CTNNA3: variants seen among roughly 807,000 people sequenced by gnomAD.
The protein encoded by CTNNA3 is catenin alpha-3.
A neutral mutation model predicts 95.7 loss-of-function variants in CTNNA3; 76 were observed. The observed-to-expected ratio is 0.79, with a 90% CI of 0.66 to 0.96. CTNNA3 has a LOEUF of 0.96. CTNNA3 is among the 40% of genes least tolerant of loss of function. The pLI is 0.00. For missense variants in CTNNA3, 1,191 were observed against 1,089.8 expected (o/e 1.09, Z -1.31); for synonymous variants, 431 against 374.4 (o/e 1.15, Z -1.74).
intron 7 of CTNNA3, among the ~76,000 whole-genome samples, chr10:67,172,265 A>C (rs1450311595): frequency 6.6e-6 from 1 of 152,210 alleles, no homozygotes; most frequent in African/African-American, 2.4e-5. Context: ...TACAGTTTTT[A>C]TCATGTTCCA....
chr10:67,001,453 G>C (rs573052118), intron 7 of CTNNA3, among the ~76,000 whole-genome samples: 1 of 151,860 alleles, frequency 6.6e-6, no homozygotes, highest in East Asian at 1.9e-4. Context: ...GACAGGGGTG[G>C]GGGACAGAAG....
At chr10:66,699,627 T>C (rs944528874) in intron 9 of CTNNA3, among the ~76,000 whole-genome samples, 10 of 151,996 alleles carry the variant, frequency 6.6e-5, no homozygotes, top group African/African-American at 1.2e-4. Context: ...CACATACATA[T>C]GCATATTTTA....
chr10:67,726,722 T>TATGATATA (rs1589582453), intron 1 of CTNNA3, among the ~76,000 whole-genome samples: 5 of 35,836 alleles, frequency 1.4e-4, no homozygotes, highest in East Asian at 1.3e-3. Flanking sequence ...ATATCATATA[T>TATGATATA]CATAATATAC....
At chr10:66,832,255 A>T (rs1046616799) in intron 7 of CTNNA3, among the ~76,000 whole-genome samples, 7 of 152,214 alleles carry the variant, frequency 4.6e-5, no homozygotes, top group African/African-American at 1.7e-4. Context: ...GACCCTGTAT[A>T]TATCTATAAG....
intron 5 of CTNNA3, among the ~76,000 whole-genome samples, chr10:67,336,498 AG>A (rs1269556756): frequency 6.6e-6 from 1 of 152,200 alleles, no homozygotes; most frequent in Non-Finnish European, 1.5e-5. Flanking sequence ...CTGAGGGAGA[AG>A]CTGCAGCATA....
At chr10:66,963,684 G>C (rs1029156688) in intron 7 of CTNNA3, among the ~76,000 whole-genome samples, 2 of 151,980 alleles carry the variant, frequency 1.3e-5, no homozygotes, top group Non-Finnish European at 2.9e-5. Context: ...GTCGAAAACA[G>C]GTTCCAAAAT....
chr10:67,645,193 G>GCGCA lies in CTNNA3; in HGVS notation c.99+2221_99+2222insTGCG, dbSNP rs1554869403. Among the ~76,000 whole-genome samples, 76 of 149,186 alleles carry GCGCA rather than the reference G, an allele frequency of 5.1e-4. 1 individual carries two copies. The highest frequency in any genetic ancestry group is 1.7e-3 in the African/African-American group (68 of 41,062). On this transcript the variant is annotated intron_variant, in intron 2 of 17. Transcript: ENST00000433211. Reference sequence around the variant, plus strand: ...CATGCCATAAAATGTGCACGTGCGCGCACACACACACACACACACACTGTG... The same window carrying GCGCA: ...CATGCCATAAAATGTGCACGTGCGCGCGCACACACACACACACACACACACTGTG...
chr10:65,955,201 C>A (rs540545872), intron 17 of CTNNA3, among the ~76,000 whole-genome samples: 2 of 152,040 alleles, frequency 1.3e-5, no homozygotes, highest in Non-Finnish European at 2.9e-5. Context: ...CTGTTATTGG[C>A]GTATAGGAAT....
intron 13 of CTNNA3, among the ~76,000 whole-genome samples, chr10:66,212,226 G>A (rs756585581): frequency 2.6e-5 from 4 of 151,980 alleles, no homozygotes; most frequent in Non-Finnish European, 4.4e-5. Context: ...CTGACCTTAC[G>A]TGATCCACCC....
intron 15 of CTNNA3, among the ~76,000 whole-genome samples, chr10:66,019,311 A>G (rs2069614777): frequency 6.6e-6 from 1 of 152,196 alleles, no homozygotes; most frequent in South Asian, 2.1e-4. Flanking sequence ...AGTAGTATTT[A>G]CATAGAAGAT....
intron 9 of CTNNA3, among the ~76,000 whole-genome samples, chr10:66,722,955 G>A (rs908489385): frequency 1.3e-5 from 2 of 152,082 alleles, no homozygotes; most frequent in Admixed American, 6.5e-5. Context: ...GTGAGGCCCG[G>A]TGATTCTGGC....
intron 10 of CTNNA3, among the ~76,000 whole-genome samples, chr10:66,616,217 C>G (rs759481927): frequency 3.9e-4 from 60 of 152,024 alleles, no homozygotes; most frequent in Non-Finnish European, 5.7e-4. Flanking sequence ...TTGTGCCCCC[C>G]ACAAAATACC....
At chr10:66,498,657 C>T (rs1589337263) in intron 11 of CTNNA3, among the ~76,000 whole-genome samples, 1 of 152,090 alleles carries the variant, frequency 6.6e-6, no homozygotes, top group African/African-American at 2.4e-5. Flanking sequence ...GCACGTAAAC[C>T]TTTAGCACTG....
chr10:67,378,085 C>T (rs1843764070), intron 5 of CTNNA3, among the ~76,000 whole-genome samples: 1 of 151,500 alleles, frequency 6.6e-6, no homozygotes, highest in African/African-American at 2.4e-5. Context: ...TCTCTATCAC[C>T]TTCTTCCCCC....
At chr10:66,321,419 C>T (rs2092183655) in intron 12 of CTNNA3, among the ~76,000 whole-genome samples, 1 of 151,898 alleles carries the variant, frequency 6.6e-6, no homozygotes, top group Admixed American at 6.6e-5. Context: ...GGTGGAAATC[C>T]TAAGAAGTAA....
intron 9 of CTNNA3, among the ~76,000 whole-genome samples, chr10:66,650,686 A>G (rs981417688): frequency 2.0e-4 from 30 of 152,078 alleles, no homozygotes; most frequent in Admixed American, 1.8e-3. Flanking sequence ...TTCAGGAATG[A>G]AGCTGCAGAC....
chr10:66,679,137 T>C (rs996379756), intron 9 of CTNNA3, among the ~76,000 whole-genome samples: 4 of 152,158 alleles, frequency 2.6e-5, no homozygotes, highest in Non-Finnish European at 5.9e-5. Context: ...TGCCAAGGTG[T>C]TCATCTAATA....
At chr10:66,823,387 A>C (rs1842369686) in intron 7 of CTNNA3, among the ~76,000 whole-genome samples, 1 of 150,488 alleles carries the variant, frequency 6.6e-6, no homozygotes, top group Non-Finnish European at 1.5e-5. Flanking sequence ...TTTTATGTGA[A>C]TTAAAAAAAA....
intron 15 of CTNNA3, among the ~76,000 whole-genome samples, chr10:65,993,276 TTTAAATACAATGTTTC>T (rs778257600): frequency 1.3e-3 from 199 of 152,368 alleles, no homozygotes; most frequent in Non-Finnish European, 1.7e-3. Flanking sequence ...TAAAGTGCAG[TTTAAATACAATGTTTC>T]TTTTTAAATT....
Sources: gnomAD v4.1 joint callset for allele counts (sites outside exome capture counted in the v4.1 genomes callset) on GRCh38, gnomAD v4.1.1 for gene constraint, MANE v1.5 for transcripts, NCBI Gene and HGNC (gene_info 2026-07-23, HGNC 2026-07-21) for gene names.